Variants in DUSP5 observed in about 807,000 individuals in gnomAD.
DUSP5 encodes the protein dual specificity protein phosphatase 5.
A neutral mutation model predicts 33.6 loss-of-function variants in DUSP5; 22 were observed. That is an observed-to-expected ratio of 0.66 (90% CI 0.47 to 0.94). The LOEUF is 0.94. DUSP5 is among the 40% of genes least tolerant of loss of function. The probability of loss-of-function intolerance (pLI) is 0.00; values close to 1 mark genes in which losing one functional copy is unlikely to be tolerated. For missense variants in DUSP5, 551 were observed against 522.1 expected (o/e 1.06, Z -0.54); for synonymous variants, 270 against 231.1 (o/e 1.17, Z -1.53).
At chr10:110,506,898 C>T (rs1368776296) in intron 2 of DUSP5, 37 bp from the exon 3 acceptor site, 2 of 1,588,616 alleles carry the variant, frequency 1.3e-6, no homozygotes, top group Middle Eastern at 1.7e-4. Flanking sequence ...ACAAGCTAAT[C>T]CAATATTTCC....
chr10:110,498,725 C>A (rs1359430077), intron 1 of DUSP5, among the ~76,000 whole-genome samples: 2 of 152,196 alleles, frequency 1.3e-5, no homozygotes, highest in African/African-American at 2.4e-5. Flanking sequence ...CGGGTCTGCC[C>A]GGTGGTCTGG....
At chr10:110,506,894 T>A in intron 2 of DUSP5, 41 bp from the exon 3 acceptor site, 1 of 1,594,158 alleles carries the variant, frequency 6.3e-7, no homozygotes, top group Non-Finnish European at 8.6e-7. Flanking sequence ...ATGAACAAGC[T>A]AATCCAATAT....
intron 2 of DUSP5, among the ~76,000 whole-genome samples, chr10:110,504,073 C>T (rs180895412): frequency 1.2e-4 from 18 of 152,328 alleles, no homozygotes; most frequent in Admixed American, 7.8e-4. Context: ...CAGTATATGA[C>T]GAGCCTGTGG....
At chr10:110,499,022 A>G (rs1422131839) in intron 1 of DUSP5, among the ~76,000 whole-genome samples, 1 of 151,158 alleles carries the variant, frequency 6.6e-6, no homozygotes, top group Non-Finnish European at 1.5e-5. Context: ...ATTTCATTTT[A>G]TTGCTTTTTA....
At chr10:110,500,828 T>C (rs191802043) in intron 1 of DUSP5, among the ~76,000 whole-genome samples, 15 of 152,346 alleles carry the variant, frequency 9.8e-5, no homozygotes, top group Admixed American at 9.8e-4. Flanking sequence ...GACCATTTAA[T>C]CTGGAGGATT....
In DUSP5 at chr10:110,498,471, C is replaced by T. The variant is rs1459119745; in HGVS notation, c.350C>T (p.Pro117Leu). ...VVLTSLLACL[P>L]AGPRVYFLKG... ...CTCACCTCGCTACTCGCTTGCCTAC[C>T]CGCCGGCCCGCGGGTCTACTTCCTC... is the stretch of plus-strand genomic sequence containing the variant. Residue 117 changes from proline to leucine, a missense_variant, in exon 1 of 4, where the codon CCC (proline) becomes CTC (leucine). Physicochemically the swap from Pro to Leu is moderately conservative, Grantham distance 98 (BLOSUM62 -3). Around this residue, in one of 3 missense-constraint regions of DUSP5, gnomAD observed 381 missense variants for 310.4 expected, o/e 1.23. Coordinates refer to ENST00000369583, the MANE Select transcript of DUSP5 (RefSeq NM_004419.4). 1.3e-6 allele frequency: 2 copies of T among 1,544,388 alleles called. No homozygotes were observed. The highest frequency in any genetic ancestry group is 1.7e-6 in the Non-Finnish European group (2 of 1,154,730).
At chr10:110,509,855 C>T (rs1860164586) in intron 3 of DUSP5, among the ~76,000 whole-genome samples, 165 bp from the exon 4 acceptor site, 1 of 152,198 alleles carries the variant, frequency 6.6e-6, no homozygotes, top group Admixed American at 6.5e-5. Context: ...GCTCTATCCT[C>T]ACCAGTGGGG....
chr10:110,510,319 C>A lies in DUSP5; in HGVS notation c.1048C>A (p.Gln350Lys). 1 of 1,614,216 alleles carries A rather than the reference C, an allele frequency of 6.2e-7. No individual in the cohort carries two copies. Among genetic ancestry groups the A allele is most frequent in the East Asian group, 2.2e-5 (1 of 44,880 alleles). The change falls in exon 4 of 4, where the codon CAG (glutamine) becomes AAG (lysine). Residue 350 changes from glutamine (Q) to lysine (K), a missense_variant. Physicochemically the swap from Gln to Lys is moderately conservative, Grantham distance 53 (BLOSUM62 1). This residue lies in a region of DUSP5 where 158 missense variants were observed against 181.8 expected (regional missense o/e 0.87). Transcript: ENST00000369583. ...TTTGCAGACACTGAGCCCTGACATG[C>A]AGGGTGCCTACTGCACATTCCCTGC... ...GHLQTLSPDM[Q>K]GAYCTFPASV...
intron 3 of DUSP5, among the ~76,000 whole-genome samples, chr10:110,507,855 A>G (rs1860137144): frequency 6.6e-6 from 1 of 152,046 alleles, no homozygotes; most frequent in South Asian, 2.1e-4. Context: ...TTGTTCTCCC[A>G]TTTGGCATCT....
chr10:110,499,765 G>A (rs1860019797), intron 1 of DUSP5, among the ~76,000 whole-genome samples: 1 of 152,194 alleles, frequency 6.6e-6, no homozygotes, highest in African/African-American at 2.4e-5. Flanking sequence ...GCTCTGCAGA[G>A]GTTTCAGCGT....
At chr10:110,507,942 C>T (rs1393217849) in intron 3 of DUSP5, among the ~76,000 whole-genome samples, 1 of 152,218 alleles carries the variant, frequency 6.6e-6, no homozygotes, top group Non-Finnish European at 1.5e-5. Context: ...CAGTCTCTAA[C>T]CTTGTGATCA....
chr10:110,507,232 G>A, intron 3 of DUSP5, 78 bp downstream of exon 3: 3 of 1,416,812 alleles, frequency 2.1e-6, no homozygotes, highest in Non-Finnish European at 2.9e-6. Flanking sequence ...TGCCCTGATG[G>A]AAGCTACCTT....
chr10:110,509,885 G>A (rs1255901335), intron 3 of DUSP5, 135 bp from the exon 4 acceptor site: 6 of 1,186,458 alleles, frequency 5.1e-6, no homozygotes, highest in Non-Finnish European at 7.0e-6. Flanking sequence ...TGGCAGAAGT[G>A]TAGTGTAGGG....
rs1440111827 is a variant in DUSP5 at position 110,506,939 on chromosome 10, G to C, written c.533G>C (p.Gly178Ala). The C allele has an allele frequency of 6.2e-7, 1 of 1,614,012 alleles. No homozygotes were observed. The highest frequency in any genetic ancestry group is 1.3e-5 in the African/African-American group (1 of 74,930). ...GTCCTTTGTCCCTGCATCCAGGGTGGCCCAGTTGAAATCCTTCCCTTCCTC... is the reference window on the plus strand; with the variant it reads ...GTCCTTTGTCCCTGCATCCAGGGTGCCCCAGTTGAAATCCTTCCCTTCCTC... ...VSYRPAYDQG[G>A]PVEILPFLYL... The change falls in exon 3 of 4, where the codon GGC becomes GCC. Residue 178 changes from glycine (G) to alanine (A), a missense_variant. Gly to Ala is a moderately conservative substitution (Grantham distance 60, BLOSUM62 0). This residue lies in a region of DUSP5 where 381 missense variants were observed against 310.4 expected (regional missense o/e 1.23). Transcript: ENST00000369583.
intron 3 of DUSP5, among the ~76,000 whole-genome samples, chr10:110,507,828 C>T (rs1256980991): frequency 6.6e-6 from 1 of 152,218 alleles, no homozygotes; most frequent in African/African-American, 2.4e-5. Flanking sequence ...GTTTCCAGGT[C>T]CTCTGTGTTG....
At position 110,498,258 on chromosome 10, in the gene DUSP5, A is replaced by C; in HGVS notation, c.137A>C (p.Asn46Thr). The stretch of plus-strand genomic sequence containing the variant: ...AACGTGCGCGGCTCGCTCAACGTCA[A>C]CCTCAACTCGGTGGTGCTGCGGCGG... The part of the protein sequence containing the change: ...ASNVRGSLNV[N>T]LNSVVLRRAR... Residue 46 changes from asparagine to threonine, a missense_variant, in exon 1 of 4, where the codon AAC (asparagine) becomes ACC (threonine). Around this residue, in one of 3 missense-constraint regions of DUSP5, gnomAD observed 381 missense variants for 310.4 expected, o/e 1.23. Coordinates refer to ENST00000369583, the MANE Select transcript of DUSP5 (RefSeq NM_004419.4). 1 of 1,499,114 alleles carries C rather than the reference A, an allele frequency of 6.7e-7. No homozygotes were observed. The highest frequency in any genetic ancestry group is 2.9e-5 in the East Asian group (1 of 34,872). The allele number at this position is 1,499,114 out of a possible 1,614,324, so 92.9% of individuals were successfully genotyped here.
chr10:110,500,800 G>A (rs753654330), intron 1 of DUSP5, among the ~76,000 whole-genome samples: 17 of 152,204 alleles, frequency 1.1e-4, no homozygotes, highest in Non-Finnish European at 2.4e-4. Flanking sequence ...CCTCTGATGG[G>A]AGTGGGTGAA....
intron 2 of DUSP5, among the ~76,000 whole-genome samples, chr10:110,506,164 T>G (rs1287288199): frequency 6.6e-6 from 1 of 152,140 alleles, no homozygotes; most frequent in Non-Finnish European, 1.5e-5. Flanking sequence ...GCTTGGTAGC[T>G]CATGCCTATA....
Position 110,498,649 on chromosome 10 carries a change from A to G in DUSP5, c.379+149A>G, listed in dbSNP as rs536560046. ...TGGCTTGTTGTGCGCTTGGGAGGGCACTGCAAATGTCAGCACTCAGAGCTC... is the reference window on the plus strand; with the variant it reads ...TGGCTTGTTGTGCGCTTGGGAGGGCGCTGCAAATGTCAGCACTCAGAGCTC... On this transcript the variant is annotated intron_variant, in intron 1 of 3. Coordinates refer to ENST00000369583, the MANE Select transcript of DUSP5 (RefSeq NM_004419.4). 5 of 1,242,250 alleles carry G rather than the reference A, an allele frequency of 4.0e-6. No individual in the cohort carries two copies. In the African/African-American group the frequency reaches 4.7e-5, roughly 12 times the overall value. The allele number at this position is 1,242,250 out of a possible 1,614,324, so 77.0% of individuals were successfully genotyped here.
Sources: gnomAD v4.1 joint callset for allele counts (sites outside exome capture counted in the v4.1 genomes callset) on GRCh38, gnomAD v4.1.1 for gene constraint, gnomAD v4.1.1 regional missense constraint, MANE v1.5 for transcripts, NCBI Gene and HGNC (gene_info 2026-07-23, HGNC 2026-07-21) for gene names.